The following SLIT1 variants were observed in gnomAD, a reference collection of about 807,000 sequenced individuals.
The protein encoded by SLIT1 is slit homolog 1 protein.
A neutral mutation model predicts 186.1 loss-of-function variants in SLIT1; 66 were observed. The ratio of observed to expected loss-of-function variants is 0.35; its 90% CI spans 0.29 to 0.44. SLIT1 has a LOEUF of 0.44. SLIT1 is among the 20% of genes least tolerant of loss of function. The probability of loss-of-function intolerance (pLI) is 1.00; values close to 1 mark genes in which losing one functional copy is unlikely to be tolerated. For missense variants in SLIT1, 1,638 were observed against 2,037.4 expected, an observed-to-expected ratio of 0.80 and a Z score of 3.77; for synonymous variants, 761 against 833.8, an observed-to-expected ratio of 0.91 and a Z score of 1.50.
rs147013362 is a variant in SLIT1 at position 97,097,827 on chromosome 10, C to T, written c.414-31741G>A. Among the ~76,000 whole-genome samples the T allele has an allele frequency of 3.3e-4, 50 of 152,338 alleles. 1 individual carries two copies. In the East Asian group the frequency reaches 9.6e-3, roughly 29 times the overall value. On this transcript the variant is annotated intron_variant, in intron 4 of 36. Transcript: ENST00000266058. ...TCCAGGAAGGCCTTCCCCAGCCATA[C>T]ACAATCTGTGGGCAGCCATCAGTCC... is the stretch of plus-strand genomic sequence containing the variant.
At chr10:97,139,209 A>G (rs1249963150) in intron 4 of SLIT1, among the ~76,000 whole-genome samples, 1 of 152,212 alleles carries the variant, frequency 6.6e-6, no homozygotes, top group Admixed American at 6.5e-5. Context: ...AGTTACCTTC[A>G]GGAGGGACAC....
chr10:97,005,334 T>A (rs922207510), intron 32 of SLIT1, among the ~76,000 whole-genome samples: 1 of 152,184 alleles, frequency 6.6e-6, no homozygotes. Flanking sequence ...AAAAGTGAGA[T>A]CTTTGCCTCA....
At chr10:97,032,829 G>A (rs1201659799) in intron 23 of SLIT1, among the ~76,000 whole-genome samples, 1 of 152,188 alleles carries the variant, frequency 6.6e-6, no homozygotes, top group African/African-American at 2.4e-5. Flanking sequence ...CAATGAGAAA[G>A]AGCTACCGGC....
intron 1 of SLIT1, among the ~76,000 whole-genome samples, chr10:97,171,238 G>A (rs746578566): frequency 8.5e-5 from 13 of 152,086 alleles, no homozygotes; most frequent in Non-Finnish European, 1.5e-4. Context: ...CAGCCACTGC[G>A]CAGACAGCAG....
At chr10:97,141,703 T>C (rs1314667527) in intron 4 of SLIT1, among the ~76,000 whole-genome samples, 2 of 97,118 alleles carry the variant, frequency 2.1e-5, no homozygotes, top group East Asian at 5.9e-4. Flanking sequence ...TATCGTATCG[T>C]ATTGTATTGT....
Position 97,156,546 on chromosome 10 carries a change from C to T in SLIT1, c.413+1272G>A, listed in dbSNP as rs138311799. ...TGAGCCAAGATCGTGCCACTGTATTCGGCCTGGGTGACAGAGCAACATCTC... is the reference window on the plus strand; with the variant it reads ...TGAGCCAAGATCGTGCCACTGTATTTGGCCTGGGTGACAGAGCAACATCTC... On this transcript the variant is annotated intron_variant, in intron 4 of 36. Coordinates refer to ENST00000266058, the MANE Select transcript of SLIT1 (RefSeq NM_003061.3). Among the ~76,000 whole-genome samples, 101 of 152,268 alleles carry T rather than the reference C, an allele frequency of 6.6e-4. 1 individual carries two copies. Among genetic ancestry groups the T allele is most frequent in the Non-Finnish European group, 9.7e-4 (66 of 68,014 alleles).
At position 97,004,836 on chromosome 10, in the gene SLIT1, G is replaced by A; in HGVS notation, c.3580-13C>T. ...CTGCCGTGGAGACCTGATGGGCAGTGGCACTTTCTCTCCCACCCCACCCCA... is the reference window on the plus strand; with the variant it reads ...CTGCCGTGGAGACCTGATGGGCAGTAGCACTTTCTCTCCCACCCCACCCCA... On this transcript the variant is annotated splice_polypyrimidine_tract_variant and intron_variant, in intron 32 of 36. Transcript: ENST00000266058. This position sits in a 1 kb window ranked among gnomAD's most constrained non-coding sequence, Gnocchi z 5.1. The A allele has an allele frequency of 1.2e-6, 2 of 1,614,056 alleles. No individual in the cohort carries two copies. The highest frequency in any genetic ancestry group is 1.7e-5 in the Admixed American group (1 of 60,004).
At chr10:97,132,656 G>A (rs539176837) in intron 4 of SLIT1, among the ~76,000 whole-genome samples, 3 of 152,274 alleles carry the variant, frequency 2.0e-5, no homozygotes, top group African/African-American at 7.2e-5. Flanking sequence ...CCAGGGGTCA[G>A]CCACCCCCAT....
intron 4 of SLIT1, among the ~76,000 whole-genome samples, chr10:97,099,445 T>A (rs1378907052): frequency 6.8e-6 from 1 of 147,262 alleles, no homozygotes; most frequent in Non-Finnish European, 1.5e-5. Flanking sequence ...AGAAAAAGAC[T>A]CCAGGTTGGG....
At chr10:97,057,733 T>G in intron 11 of SLIT1, 1 of 453,928 alleles carries the variant, frequency 2.2e-6, no homozygotes, top group Non-Finnish European at 4.0e-6. Context: ...GAGATCCGGA[T>G]GGTGGGACTT....
chr10:97,031,450 A>G (rs986939119), intron 24 of SLIT1, among the ~76,000 whole-genome samples, 156 bp downstream of exon 24: 8 of 152,130 alleles, frequency 5.3e-5, no homozygotes, highest in African/African-American at 1.7e-4. Context: ...GCTTCTTGGG[A>G]ATGAGAGTAT....
intron 11 of SLIT1, chr10:97,057,738 G>A (rs548610876): frequency 4.3e-6 from 2 of 460,898 alleles, no homozygotes; most frequent in Non-Finnish European, 7.8e-6. Flanking sequence ...CCGGATGGTG[G>A]GACTTCAAGC....
intron 1 of SLIT1, among the ~76,000 whole-genome samples, chr10:97,167,831 G>A (rs1359935396): frequency 6.6e-6 from 1 of 152,178 alleles, no homozygotes; most frequent in Non-Finnish European, 1.5e-5. Flanking sequence ...TTTAAAAAGG[G>A]CAGTTCTCCT....
intron 4 of SLIT1, among the ~76,000 whole-genome samples, chr10:97,157,092 G>T (rs2134719326): frequency 6.6e-6 from 1 of 152,290 alleles, no homozygotes; most frequent in East Asian, 1.9e-4. Flanking sequence ...TTTGTCCAGT[G>T]ATAGAGTTGA....
Position 97,047,993 on chromosome 10 carries a change from T to C in SLIT1, c.1469A>G (p.Lys490Arg), listed in dbSNP as rs1264970854. Residue 490 changes from lysine (K) to arginine (R), a missense_variant, in exon 15 of 37, where the codon AAA (lysine) becomes AGA (arginine). Coordinates refer to ENST00000266058, the MANE Select transcript of SLIT1 (RefSeq NM_003061.3). Reference sequence around the variant, plus strand: ...CCTACCTGGAATGAAGTACTGCTCTTTGGCTGGGAAGAGAAGCAGAAATAC... The same window carrying C: ...CCTACCTGGAATGAAGTACTGCTCTCTGGCTGGGAAGAGAAGCAGAAATAC... ...IKSKKFRCSA[K>R]EQYFIPGTED... 6.2e-7 allele frequency: 1 copy of C among 1,613,970 alleles called. No individual in the cohort carries two copies. Among genetic ancestry groups the C allele is most frequent in the Non-Finnish European group, 8.5e-7 (1 of 1,179,990 alleles).
Position 97,056,444 on chromosome 10 carries a change from A to G in SLIT1, c.1178T>C (p.Ile393Thr). ...GAAGGCATCGGGCCGGATGCAGTTG[A>G]TCTTGTTGGCATTCAGGAGCCTGTG... ...LQLLLLNANK[I>T]NCIRPDAFQD... is the part of the protein sequence containing the mutation. The change falls in exon 13 of 37, where the codon ATC becomes ACC. Residue 393 changes from isoleucine to threonine, a missense_variant. Physicochemically the swap from Ile to Thr is moderately conservative, Grantham distance 89. Transcript: ENST00000266058. 6.2e-7 allele frequency: 1 copy of G among 1,614,058 alleles called. No individual in the cohort carries two copies. Among genetic ancestry groups the G allele is most frequent in the Non-Finnish European group, 8.5e-7 (1 of 1,179,992 alleles).
At position 97,003,375 on chromosome 10, in the gene SLIT1, G is replaced by A. The variant is rs544846034; in HGVS notation, c.3866-383C>T. 1.8e-4 allele frequency among the ~76,000 whole-genome samples: 27 copies of A among 152,340 alleles called. No individual in the cohort carries two copies. In the East Asian group the frequency reaches 3.8e-3, roughly 22 times the overall value. ...GCAGGACCGAGACATCACGTGTGGC[G>A]CTAGGTCACTGCTTTTGTGGCTGTC... On this transcript the variant is annotated intron_variant, in intron 34 of 36. Coordinates refer to ENST00000266058, the MANE Select transcript of SLIT1 (RefSeq NM_003061.3).
At chr10:97,007,533 A>G (rs541409091) in intron 31 of SLIT1, among the ~76,000 whole-genome samples, 1 of 152,338 alleles carries the variant, frequency 6.6e-6, no homozygotes, top group African/African-American at 2.4e-5. Context: ...AAATATTGTC[A>G]CCAAAATCCT....
chr10:97,029,636 A>G (rs901118888), intron 25 of SLIT1, among the ~76,000 whole-genome samples: 3 of 152,242 alleles, frequency 2.0e-5, no homozygotes, highest in Admixed American at 6.5e-5. Context: ...AAATATATAT[A>G]TCACATGAAA....
Sources: allele counts gnomAD v4.1 joint callset (sites outside exome capture counted in the v4.1 genomes callset), GRCh38; gene constraint gnomAD v4.1.1; non-coding constraint Gnocchi (gnomAD v3.1); transcripts MANE v1.5; gene names NCBI Gene and HGNC (gene_info 2026-07-23, HGNC 2026-07-21).